Variants in CDKAL1 observed in about 807,000 individuals in gnomAD.
CDKAL1 encodes threonylcarbamoyladenosine tRNA methylthiotransferase.
A neutral mutation model predicts 68.2 loss-of-function variants in CDKAL1; 32 were observed. The ratio of observed to expected loss-of-function variants is 0.47; its 90% CI spans 0.35 to 0.63. CDKAL1 has a LOEUF of 0.63. CDKAL1 is among the 30% of genes least tolerant of loss of function. The pLI is 0.00. For synonymous variants in CDKAL1, 234 were observed against 244.3 expected, an observed-to-expected ratio of 0.96 and a Z score of 0.39; for missense variants, 606 against 696.7, an observed-to-expected ratio of 0.87 and a Z score of 1.47.
chr6:20,936,241 ATTTTTT>A (rs33911838), intron 9 of CDKAL1, among the ~76,000 whole-genome samples: 3 of 68,800 alleles, frequency 4.4e-5, no homozygotes, highest in Non-Finnish European at 7.6e-5. Flanking sequence ...GTGTCTCATA[ATTTTTT>A]TTTTTTTTTT....
chr6:20,981,686 G>A (rs535918547), intron 10 of CDKAL1, among the ~76,000 whole-genome samples: 1 of 152,190 alleles, frequency 6.6e-6, no homozygotes, highest in East Asian at 1.9e-4. Flanking sequence ...CTAAAAATAC[G>A]AAGAATTAGC....
chr6:20,761,716 G>A (rs963209542), intron 7 of CDKAL1, among the ~76,000 whole-genome samples: 1 of 152,178 alleles, frequency 6.6e-6, no homozygotes, highest in African/African-American at 2.4e-5. Context: ...TGTGGAAAAG[G>A]TGAAATACGG....
At chr6:21,180,718 A>G (rs1777755693) in intron 13 of CDKAL1, among the ~76,000 whole-genome samples, 1 of 152,220 alleles carries the variant, frequency 6.6e-6, no homozygotes, top group African/African-American at 2.4e-5. Flanking sequence ...CTGCTAAAAA[A>G]GAAACAGCAA....
intron 13 of CDKAL1, among the ~76,000 whole-genome samples, chr6:21,134,451 T>G (rs1775478434): frequency 6.6e-6 from 1 of 152,218 alleles, no homozygotes; most frequent in South Asian, 2.1e-4. Flanking sequence ...TAATTATGTT[T>G]TGTCATAAAA....
chr6:21,222,258 G>A (rs1352755422), intron 15 of CDKAL1, among the ~76,000 whole-genome samples: 1 of 152,116 alleles, frequency 6.6e-6, no homozygotes, highest in East Asian at 1.9e-4. Flanking sequence ...TGACCTGATA[G>A]CAATTACACA....
intron 9 of CDKAL1, among the ~76,000 whole-genome samples, chr6:20,880,255 AT>A (rs55852233): frequency 0.55 from 82,678 of 151,370 alleles, 22,821 homozygotes; most frequent in African/African-American, 0.59. Context: ...AAGAAACTAC[AT>A]TTTTTTTTGC....
chr6:21,170,509 T>C (rs1027189679), intron 13 of CDKAL1, among the ~76,000 whole-genome samples: 1 of 152,104 alleles, frequency 6.6e-6, no homozygotes, highest in East Asian at 1.9e-4. Flanking sequence ...TTTGTATTTT[T>C]AGTAGAGACA....
chr6:20,729,872 C>T (rs1016244542), intron 5 of CDKAL1, among the ~76,000 whole-genome samples: 2 of 152,150 alleles, frequency 1.3e-5, no homozygotes, highest in African/African-American at 4.8e-5. Context: ...TTTTAGTTCT[C>T]TCCTGTTTCC....
intron 9 of CDKAL1, among the ~76,000 whole-genome samples, chr6:20,857,369 A>G (rs1282475027): frequency 6.6e-6 from 1 of 152,216 alleles, no homozygotes; most frequent in African/African-American, 2.4e-5. Flanking sequence ...ATAAGGAATG[A>G]ATGATTCTGT....
rs553400923 is a variant in CDKAL1, at chr6:20,642,391, A to G, written c.287-6902A>G. Among the ~76,000 whole-genome samples, 178 of 151,490 alleles carry G rather than the reference A, an allele frequency of 1.2e-3. 2 individuals carry two copies. The South Asian group carries it at 0.019, about 16-fold the overall frequency. ...ATATCCTATGTGGCGTATGTGTATG[A>G]GTAAATTAAAATTTGAGATGAAAAT... On this transcript the variant is annotated intron_variant, in intron 4 of 15. Transcript: ENST00000274695.
intron 13 of CDKAL1, among the ~76,000 whole-genome samples, chr6:21,124,963 T>C (rs1774918596): frequency 6.6e-6 from 1 of 152,080 alleles, no homozygotes; most frequent in South Asian, 2.1e-4. Context: ...TATTCCATGC[T>C]TTCCCCAGTA....
intron 9 of CDKAL1, among the ~76,000 whole-genome samples, chr6:20,929,389 A>G (rs565493721): frequency 6.6e-6 from 1 of 152,312 alleles, no homozygotes; most frequent in Admixed American, 6.5e-5. Flanking sequence ...GAGTAAATGG[A>G]AGGGAAAACC....
chr6:20,986,026 A>G (rs1404864455), intron 10 of CDKAL1, among the ~76,000 whole-genome samples: 3 of 152,100 alleles, frequency 2.0e-5, no homozygotes, highest in Admixed American at 2.0e-4. Context: ...TTCAGGAATG[A>G]GTCTAAGATG....
At chr6:20,562,128 G>A (rs990741084) in intron 4 of CDKAL1, among the ~76,000 whole-genome samples, 1 of 152,132 alleles carries the variant, frequency 6.6e-6, no homozygotes, top group Non-Finnish European at 1.5e-5. Context: ...TTATTTGTGT[G>A]TGTTCCTGTG....
At chr6:20,581,562 C>T (rs10456233) in intron 4 of CDKAL1, among the ~76,000 whole-genome samples, 8,044 of 152,192 alleles carry the variant, frequency 0.053, 229 homozygotes, top group Middle Eastern at 0.078. Context: ...TTAACTTTCA[C>T]TTTTAATGCC....
At chr6:20,554,314 A>G (rs1763951963) in intron 4 of CDKAL1, among the ~76,000 whole-genome samples, 1 of 152,368 alleles carries the variant, frequency 6.6e-6, no homozygotes, top group Admixed American at 6.5e-5. Flanking sequence ...GGCTTTTTAA[A>G]GAAATGAATG....
At chr6:20,918,439 G>A (rs543609490) in intron 9 of CDKAL1, among the ~76,000 whole-genome samples, 5 of 152,208 alleles carry the variant, frequency 3.3e-5, no homozygotes, top group African/African-American at 7.2e-5. Context: ...CTTGAATTTC[G>A]TTAGAAGATA....
intron 5 of CDKAL1, among the ~76,000 whole-genome samples, chr6:20,652,184 T>A (rs1768801460): frequency 6.6e-6 from 1 of 152,166 alleles, no homozygotes; most frequent in Non-Finnish European, 1.5e-5. Context: ...AATGGGAACT[T>A]TTCTAATAAG....
chr6:20,865,530 G>A (rs1452915931), intron 9 of CDKAL1, among the ~76,000 whole-genome samples: 1 of 151,946 alleles, frequency 6.6e-6, no homozygotes, highest in East Asian at 1.9e-4. Context: ...TATACTAAGA[G>A]AAAAGTGTTT....
Sources: gnomAD v4.1 joint callset for allele counts (sites outside exome capture counted in the v4.1 genomes callset) on GRCh38, gnomAD v4.1.1 for gene constraint, MANE v1.5 for transcripts, NCBI Gene and HGNC (gene_info 2026-07-23, HGNC 2026-07-21) for gene names.